The following LRRTM4 variants were observed in gnomAD, a reference collection of about 807,000 sequenced individuals.
LRRTM4 encodes leucine-rich repeat transmembrane neuronal protein 4.
Under a neutral mutation model 47.6 loss-of-function variants are expected in LRRTM4, and 25 were observed. The ratio of observed to expected loss-of-function variants is 0.53; its 90% confidence interval spans 0.38 to 0.73. The LOEUF is 0.73. Ranked by LOEUF, LRRTM4 falls within the 30% of genes least tolerant of loss-of-function variation. The pLI is 0.00. For missense variants in LRRTM4, 638 were observed against 713.4 expected (o/e 0.89, Z 1.20); for synonymous variants, 311 against 269.5 (o/e 1.15, Z -1.51).
In LRRTM4 at chr2:76,794,734, G is replaced by A. The variant is rs994250432; in HGVS notation, c.1552-45818C>T. Among the ~76,000 whole-genome samples, 3 of 147,638 alleles carry A rather than the reference G, an allele frequency of 2.0e-5. No individual in the cohort carries two copies. In the East Asian group the frequency reaches 5.8e-4, roughly 29 times the overall value. ...TTTTCACTGGCTAATTCTTTGCTAT[G>A]GTGTACTGTCTTGTACTTTTGTGGG... is the stretch of plus-strand genomic sequence containing the variant. On this transcript the variant is annotated intron_variant, in intron 3 of 3. Coordinates refer to ENST00000409884, the MANE Select transcript of LRRTM4 (RefSeq NM_001134745.3).
chr2:77,037,947 C>T (rs1678892978), intron 3 of LRRTM4, among the ~76,000 whole-genome samples: 1 of 151,564 alleles, frequency 6.6e-6, no homozygotes. Context: ...GTCCAGTGAC[C>T]AGTAAAATTC....
At chr2:77,472,273 T>C (rs999983112) in intron 3 of LRRTM4, among the ~76,000 whole-genome samples, 19 of 152,144 alleles carry the variant, frequency 1.2e-4, no homozygotes, top group African/African-American at 1.4e-4. Flanking sequence ...AAATAAGTTA[T>C]AGTGCCAACA....
chr2:76,788,714 A>G (rs1674812399), intron 3 of LRRTM4, among the ~76,000 whole-genome samples: 1 of 152,190 alleles, frequency 6.6e-6, no homozygotes, highest in African/African-American at 2.4e-5. Flanking sequence ...GTGTCCTTTT[A>G]TATCTATTCT....
chr2:77,324,951 T>C (rs1223265514), intron 3 of LRRTM4, among the ~76,000 whole-genome samples: 1 of 152,160 alleles, frequency 6.6e-6, no homozygotes, highest in Non-Finnish European at 1.5e-5. Flanking sequence ...TATTTAAGAA[T>C]TTGAATTAAT....
chr2:77,371,799 T>C (rs1672665845), intron 3 of LRRTM4, among the ~76,000 whole-genome samples: 1 of 151,704 alleles, frequency 6.6e-6, no homozygotes, highest in South Asian at 2.1e-4. Flanking sequence ...TCTCCCCAGC[T>C]ACTCACACAG....
intron 3 of LRRTM4, among the ~76,000 whole-genome samples, chr2:76,762,521 T>G (rs1354685811): frequency 6.6e-6 from 1 of 152,218 alleles, no homozygotes; most frequent in African/African-American, 2.4e-5. Context: ...TGCTGTGTAT[T>G]ATGATTTAAT....
At chr2:77,401,535 C>T (rs1418567239) in intron 3 of LRRTM4, among the ~76,000 whole-genome samples, 2 of 151,748 alleles carry the variant, frequency 1.3e-5, no homozygotes, top group African/African-American at 4.8e-5. Context: ...ATCTTGTTCA[C>T]TATTGAATTC....
intron 3 of LRRTM4, among the ~76,000 whole-genome samples, chr2:77,040,552 C>T (rs1462215730): frequency 6.6e-6 from 1 of 151,402 alleles, no homozygotes; most frequent in Non-Finnish European, 1.5e-5. Flanking sequence ...CAGTAGGCTT[C>T]TCAGTAGAGC....
chr2:77,455,779 T>G (rs1363909258), intron 3 of LRRTM4, among the ~76,000 whole-genome samples: 1 of 152,106 alleles, frequency 6.6e-6, no homozygotes, highest in Admixed American at 6.5e-5. Context: ...ACATTAGCCT[T>G]CTACATGCAT....
chr2:77,224,473 C>T (rs1211138223), intron 3 of LRRTM4, among the ~76,000 whole-genome samples: 2 of 152,034 alleles, frequency 1.3e-5, no homozygotes, highest in East Asian at 1.9e-4. Flanking sequence ...TGACAAAGGG[C>T]TAATATCCAG....
chr2:77,089,865 G>T (rs1161111394), intron 3 of LRRTM4, among the ~76,000 whole-genome samples: 1 of 152,082 alleles, frequency 6.6e-6, no homozygotes, highest in Non-Finnish European at 1.5e-5. Context: ...TAGGCAAACG[G>T]TCTGAGGTGC....
chr2:77,521,952 G>A, intron 1 of LRRTM4, 134 bp from the exon 2 acceptor site: 1 of 596,614 alleles, frequency 1.7e-6, no homozygotes, highest in Non-Finnish European at 3.0e-6. Context: ...GGGGGGATAG[G>A]GATGGGGGAG....
chr2:76,954,760 T>C (rs1269398379), intron 3 of LRRTM4, among the ~76,000 whole-genome samples: 1 of 151,350 alleles, frequency 6.6e-6, no homozygotes, highest in Middle Eastern at 3.2e-3. Flanking sequence ...TTATCAAAAT[T>C]AAATAATGAA....
chr2:76,958,925 G>GAA (rs1454590045), intron 3 of LRRTM4, among the ~76,000 whole-genome samples: 1 of 151,628 alleles, frequency 6.6e-6, no homozygotes, highest in East Asian at 2.0e-4. Flanking sequence ...TTGTTACTTG[G>GAA]AAAACGCTTG....
intron 3 of LRRTM4, among the ~76,000 whole-genome samples, chr2:77,041,554 C>G (rs1416515079): frequency 6.6e-6 from 1 of 151,460 alleles, no homozygotes; most frequent in African/African-American, 2.4e-5. Flanking sequence ...TTGCCCTTCT[C>G]CACATCCTCA....
At chr2:76,779,053 C>G (rs942073228) in intron 3 of LRRTM4, among the ~76,000 whole-genome samples, 78 of 139,718 alleles carry the variant, frequency 5.6e-4, no homozygotes, top group Non-Finnish European at 1.0e-3. Flanking sequence ...TGTTCAGTTT[C>G]CATGTAGTTG....
intron 3 of LRRTM4, among the ~76,000 whole-genome samples, chr2:77,361,621 C>T (rs905948852): frequency 6.6e-6 from 1 of 152,038 alleles, no homozygotes; most frequent in Non-Finnish European, 1.5e-5. Flanking sequence ...TTATCTTCCC[C>T]GTGAAATAAC....
intron 3 of LRRTM4, among the ~76,000 whole-genome samples, chr2:76,936,814 C>T (rs1317169938): frequency 1.3e-4 from 19 of 150,488 alleles, no homozygotes; most frequent in South Asian, 4.2e-4. Context: ...ATTAGCTGGG[C>T]GTGGTGGCAG....
intron 3 of LRRTM4, among the ~76,000 whole-genome samples, chr2:76,951,564 T>C (rs1675495515): frequency 6.6e-6 from 1 of 151,956 alleles, no homozygotes. Flanking sequence ...ACCTTAAAAA[T>C]TTCAAGGTTT....
Sources: allele counts gnomAD v4.1 joint callset (sites outside exome capture counted in the v4.1 genomes callset), GRCh38; gene constraint gnomAD v4.1.1; transcripts MANE v1.5; gene names NCBI Gene and HGNC (gene_info 2026-07-23, HGNC 2026-07-21).